KDM2B: variants seen among roughly 807,000 people sequenced by gnomAD.
KDM2B encodes lysine demethylase 2B.
KDM2B carries 26 observed loss-of-function variants against 150.0 expected under a neutral mutation model. The observed-to-expected ratio is 0.17, with a 90% CI of 0.13 to 0.24. KDM2B has a LOEUF of 0.24. Among genes scored for constraint, KDM2B ranks in the 10% least tolerant of loss-of-function variants. KDM2B has a pLI of 1.00. For synonymous variants in KDM2B, 734 were observed against 729.5 expected, an observed-to-expected ratio of 1.01 and a Z score of -0.10; for missense variants, 1,265 against 1,816.9, an observed-to-expected ratio of 0.70 and a Z score of 5.52.
rs1367283092 is a variant in KDM2B, at chr12:121,467,314, G to A, written c.1735-13970C>T. ...TCGGCTCGCCCTGGCTCGGGCTCGGGCTCGGGCTCGGGCTCCCGCTGCCGC... is the reference window on the plus strand; with the variant it reads ...TCGGCTCGCCCTGGCTCGGGCTCGGACTCGGGCTCGGGCTCCCGCTGCCGC... On this transcript the variant is annotated intron_variant, in intron 12 of 22. Transcript: ENST00000377071. The surrounding 1 kb of genome is among the most constrained non-coding windows in gnomAD (Gnocchi z 5.1). 7.7e-5 allele frequency: 76 copies of A among 982,936 alleles called. 2 individuals are homozygous for A. In the South Asian group the frequency reaches 2.6e-3, roughly 34 times the overall value. The allele number at this position is 982,936 out of a possible 1,614,324, so 60.9% of individuals were successfully genotyped here. A position where few individuals can be genotyped will look rare whatever the true frequency, so the allele number is the denominator to read the frequency against.
At chr12:121,480,081 G>C (rs1555297566) in intron 12 of KDM2B, among the ~76,000 whole-genome samples, 1 of 151,742 alleles carries the variant, frequency 6.6e-6, no homozygotes, top group African/African-American at 2.4e-5. Context: ...ACCACACCTG[G>C]CTCCTGATGA....
chr12:121,536,778 G>A (rs564449330), intron 6 of KDM2B, among the ~76,000 whole-genome samples: 2 of 151,988 alleles, frequency 1.3e-5, no homozygotes, highest in South Asian at 4.1e-4. Flanking sequence ...CAGAGAACGT[G>A]CTTCTCTTGT....
chr12:121,493,187 C>T (rs2140327149), intron 12 of KDM2B, among the ~76,000 whole-genome samples: 1 of 148,918 alleles, frequency 6.7e-6, no homozygotes, highest in East Asian at 2.0e-4. Flanking sequence ...GAACAACAGG[C>T]ATAAGCCACC....
At chr12:121,433,670 A>T (rs1873447697) in intron 22 of KDM2B, among the ~76,000 whole-genome samples, 1 of 152,262 alleles carries the variant, frequency 6.6e-6, no homozygotes, top group Non-Finnish European at 1.5e-5. Flanking sequence ...AGATTCAATG[A>T]AATTGCTATA....
At chr12:121,498,627 A>AC (rs1884212415) in intron 11 of KDM2B, among the ~76,000 whole-genome samples, 1 of 151,810 alleles carries the variant, frequency 6.6e-6, no homozygotes, top group Non-Finnish European at 1.5e-5. Flanking sequence ...AGTAATGCCC[A>AC]CCCCCCTTTG....
chr12:121,466,558 G>C (rs1310304049), intron 12 of KDM2B, among the ~76,000 whole-genome samples: 1 of 151,760 alleles, frequency 6.6e-6, no homozygotes, highest in Non-Finnish European at 1.5e-5. Context: ...CCCGGGTTCC[G>C]GGTGGCCCGC....
At chr12:121,565,930 G>A (rs1265128913) in intron 4 of KDM2B, among the ~76,000 whole-genome samples, 1 of 149,908 alleles carries the variant, frequency 6.7e-6, no homozygotes, top group Non-Finnish European at 1.5e-5. Flanking sequence ...CCCGGCCCAG[G>A]AATTTTTTTT....
chr12:121,420,295 T>C, the KDM2B span: 5 of 1,588,266 alleles, frequency 3.1e-6, no homozygotes, highest in Non-Finnish European at 3.4e-6. Flanking sequence ...ACGACGATGA[T>C]GAGGATGATG....
At position 121,513,396 on chromosome 12, in the gene KDM2B, G is replaced by A; in HGVS notation, c.1054C>T (p.Pro352Ser). ...TAGTAGAAGGGGTAACGGAATTTGG[G>A]CTGCACCTGAAAGCAAAGACGCAGG... ...YEIEDRTRVQ[P>S]KFRYPFYYEM... Residue 352 changes from proline to serine, a missense_variant, in exon 10 of 23, where the codon CCC becomes TCC. Around this residue, in one of 11 missense-constraint regions of KDM2B, gnomAD observed 214 missense variants for 447.4 expected, o/e 0.48. Coordinates refer to ENST00000377071, the MANE Select transcript of KDM2B (RefSeq NM_032590.5). This position sits in a 1 kb window ranked among gnomAD's most constrained non-coding sequence, Gnocchi z 5.0. 6.2e-7 allele frequency: 1 copy of A among 1,610,654 alleles called. No individual in the cohort carries two copies. Among genetic ancestry groups the A allele is most frequent in the East Asian group, 2.2e-5 (1 of 44,768 alleles).
intron 11 of KDM2B, among the ~76,000 whole-genome samples, chr12:121,505,302 AAT>A: frequency 6.6e-6 from 1 of 151,672 alleles, no homozygotes; most frequent in Non-Finnish European, 1.5e-5. Flanking sequence ...AAAAAAAAAA[AAT>A]TGTGACTGTA....
chr12:121,563,335 G>C (rs559211755), intron 4 of KDM2B, among the ~76,000 whole-genome samples: 1 of 151,750 alleles, frequency 6.6e-6, no homozygotes, highest in Non-Finnish European at 1.5e-5. Flanking sequence ...GGCCGGGCTC[G>C]ATGGCTCACG....
At chr12:121,482,228 A>C (rs991703928) in intron 12 of KDM2B, among the ~76,000 whole-genome samples, 2 of 152,208 alleles carry the variant, frequency 1.3e-5, no homozygotes, top group East Asian at 3.8e-4. Flanking sequence ...AATGCTGAAA[A>C]ATTCCAGGTG....
intron 8 of KDM2B, 69 bp downstream of exon 8, chr12:121,532,737 G>A (rs1887770873): frequency 2.6e-6 from 4 of 1,537,986 alleles, no homozygotes; most frequent in South Asian, 2.4e-5. Context: ...GCAACCCTCA[G>A]GGGGCCTAAA....
rs1880087993 is a variant in KDM2B at position 121,467,005 on chromosome 12, C to T, written c.1735-13661G>A. On this transcript the variant is annotated intron_variant, in intron 12 of 22. Transcript: ENST00000377071. The surrounding 1 kb of genome is among the most constrained non-coding windows in gnomAD (Gnocchi z 5.1). The stretch of plus-strand genomic sequence containing the variant: ...CTGCCGCGCTCCTCTACGCCCCGCT[C>T]GGGCCCGGCCCCGGCCGCCCCGCCG... Among the ~76,000 whole-genome samples the T allele has an allele frequency of 1.3e-5, 2 of 148,760 alleles. No homozygotes were observed. The highest frequency in any genetic ancestry group is 4.1e-4 in the South Asian group (2 of 4,824).
At chr12:121,443,086 C>A in intron 17 of KDM2B, 56 bp from the exon 18 acceptor site, 1 of 1,490,622 alleles carries the variant, frequency 6.7e-7, no homozygotes, top group South Asian at 1.2e-5. Flanking sequence ...GGGATTTGGT[C>A]TCCTCGACAC....
chr12:121,411,086 A>G, the KDM2B span, among the ~76,000 whole-genome samples: 10 of 152,218 alleles, frequency 6.6e-5, no homozygotes, highest in African/African-American at 1.2e-4. Context: ...GGCACATGCC[A>G]CCACACCTGG....
intron 4 of KDM2B, among the ~76,000 whole-genome samples, chr12:121,572,385 C>T (rs1891163065): frequency 6.6e-6 from 1 of 152,142 alleles, no homozygotes; most frequent in South Asian, 2.1e-4. Context: ...GCCTCTGCCA[C>T]CTCTTCTGCC....
intron 22 of KDM2B, among the ~76,000 whole-genome samples, chr12:121,439,288 C>T (rs979729672): frequency 9.9e-5 from 15 of 152,012 alleles, no homozygotes; most frequent in African/African-American, 3.6e-4. Context: ...GTCCCTTGTC[C>T]GTATTTTGGG....
rs1005178619 is a variant in KDM2B at position 121,442,938 on chromosome 12, G to C, written c.2604+54C>G. The C allele has an allele frequency of 1.9e-6, 3 of 1,597,842 alleles. No individual in the cohort carries two copies. The highest frequency in any genetic ancestry group is 2.2e-5 in the East Asian group (1 of 44,650). ...ACGGGACTGTGGCCCAGGGAGCTGC[G>C]GTGCAGCTCTAACCGCTCAGGCCTG... On this transcript the variant is annotated intron_variant, in intron 18 of 22. Transcript: ENST00000377071. The surrounding 1 kb of genome is among the most constrained non-coding windows in gnomAD (Gnocchi z 7.7).
Sources: allele counts gnomAD v4.1 joint callset (sites outside exome capture counted in the v4.1 genomes callset), GRCh38; gene constraint gnomAD v4.1.1; regional missense constraint gnomAD v4.1.1; non-coding constraint Gnocchi (gnomAD v3.1); transcripts MANE v1.5; gene names NCBI Gene and HGNC (gene_info 2026-07-23, HGNC 2026-07-21).